EIF1AX: variants seen among roughly 807,000 people sequenced by gnomAD.
The protein encoded by EIF1AX is eukaryotic translation initiation factor 1A X-linked.
Under a neutral mutation model 16.1 loss-of-function variants are expected in EIF1AX, and 1 was observed. The observed-to-expected ratio is 0.06, with a 90% CI of 0.02 to 0.30. EIF1AX has a LOEUF of 0.30. Ranked by LOEUF, EIF1AX falls within the 10% of genes least tolerant of loss-of-function variation. The probability of loss-of-function intolerance (pLI) is 1.00; values close to 1 mark genes in which losing one functional copy is unlikely to be tolerated. For missense variants in EIF1AX, 11 were observed against 109.1 expected, an observed-to-expected ratio of 0.10 and a Z score of 4.00; for synonymous variants, 32 against 37.3, an observed-to-expected ratio of 0.86 and a Z score of 0.51.
At chrX:20,128,736 A>G (rs1217032671) in intron 6 of EIF1AX, among the ~76,000 whole-genome samples, 1 of 111,519 alleles carries the variant, frequency 9.0e-6, no homozygotes, top group African/African-American at 3.3e-5. Flanking sequence ...ACTTTTACAA[A>G]ATGTTCAAGA....
At chrX:20,139,668 G>C (rs1258820443) in intron 1 of EIF1AX, among the ~76,000 whole-genome samples, 1 of 110,665 alleles carries the variant, frequency 9.0e-6, no homozygotes, top group East Asian at 2.8e-4. Context: ...GAAGAGCTTG[G>C]AAGCAGCAAA....
At chrX:20,138,698 A>G in intron 1 of EIF1AX, 76 bp from the exon 2 acceptor site, 1 of 739,203 alleles carries the variant, frequency 1.4e-6, no homozygotes, top group Non-Finnish European at 2.0e-6. Flanking sequence ...AAATGAAATT[A>G]AGGCTTATAA....
rs1474884247 is a variant in EIF1AX, at chrX:20,125,783, G to T, written c.*2523C>A. 1 of 157,353 alleles carries T rather than the reference G, an allele frequency of 6.4e-6. No individual in the cohort carries two copies. The highest frequency in any genetic ancestry group is 1.2e-5 in the Non-Finnish European group (1 of 80,689). 13.0% of individuals were successfully genotyped at this position (157,353 alleles called of 1,213,427 possible). ...TAAGTTAAATTACAAGTCACAAAGA[G>T]TTTGTAAGCAAACATTTATAGCCAT... On this transcript the variant is annotated 3_prime_UTR_variant, in exon 7 of 7. Transcript: ENST00000379607.
intron 4 of EIF1AX, among the ~76,000 whole-genome samples, chrX:20,133,400 G>C (rs5955885): frequency 0.023 from 2,524 of 111,137 alleles, 64 homozygotes; most frequent in African/African-American, 0.078. Flanking sequence ...CCATCCCCCA[G>C]TTGTGACAAC....
rs2066980560 is a variant in EIF1AX, at chrX:20,124,986, C to A, written c.*3320G>T. ...CTGGATATCAAGTGAAAAGAGCAGA[C>A]ACTGATCTAAGTACATTACATGTAT... On this transcript the variant is annotated 3_prime_UTR_variant, in exon 7 of 7. Coordinates refer to ENST00000379607, the MANE Select transcript of EIF1AX (RefSeq NM_001412.4). 1 of 148,754 alleles carries A rather than the reference C, an allele frequency of 6.7e-6. No homozygotes were observed. Among genetic ancestry groups the A allele is most frequent in the Non-Finnish European group, 1.3e-5 (1 of 74,552 alleles). The allele number at this position is 148,754 out of a possible 1,213,427, so 12.3% of individuals were successfully genotyped here.
chrX:20,136,393 G>A (rs1222179101), intron 2 of EIF1AX: 16 of 301,108 alleles, frequency 5.3e-5, no homozygotes, highest in Admixed American at 4.1e-4. Context: ...ATCCACTTCA[G>A]TAAAAGCAGA....
rs750302151 is a variant in EIF1AX, at chrX:20,140,076, C to A, written c.17-1454G>T. The A allele has an allele frequency of 2.7e-5, 3 of 112,362 alleles. No homozygotes were observed. In the East Asian group the frequency reaches 8.4e-4, roughly 31 times the overall value. The allele number at this position is 112,362 out of a possible 1,213,427, so 9.3% of individuals were successfully genotyped here. A position where few individuals can be genotyped will look rare whatever the true frequency, so the allele number is the denominator to read the frequency against. ...TCTGAGTGTACAACAATTAAAGTGA[C>A]ATCAACATTCTTTAAACCAGAGTTG... is the stretch of plus-strand genomic sequence containing the variant. On this transcript the variant is annotated intron_variant, in intron 1 of 6. Transcript: ENST00000379607.
chrX:20,131,689 T>G (rs902212037), intron 5 of EIF1AX, among the ~76,000 whole-genome samples: 11 of 107,357 alleles, frequency 1.0e-4, no homozygotes, highest in Non-Finnish European at 1.7e-4. Flanking sequence ...GTTTTTTTTT[T>G]TTTTTTTTTT....
At chrX:20,129,085 GT>G (rs2066993670) in intron 6 of EIF1AX, among the ~76,000 whole-genome samples, 1 of 111,134 alleles carries the variant, frequency 9.0e-6, no homozygotes, top group Non-Finnish European at 1.9e-5. Context: ...CAGTTTAGTC[GT>G]AAGACTCCTC....
At chrX:20,129,709 G>A (rs1287972022) in intron 6 of EIF1AX, among the ~76,000 whole-genome samples, 4 of 112,062 alleles carry the variant, frequency 3.6e-5, no homozygotes, top group Non-Finnish European at 5.6e-5. Context: ...ACACCCAACA[G>A]CTAAAAATAC....
In EIF1AX at chrX:20,125,638, C is replaced by G. The variant is rs766645577; in HGVS notation, c.*2668G>C. 4 of 164,544 alleles carry G rather than the reference C, an allele frequency of 2.4e-5. No individual in the cohort carries two copies. The highest frequency in any genetic ancestry group is 9.0e-5 in the East Asian group (1 of 11,140). The allele number at this position is 164,544 out of a possible 1,213,427, so 13.6% of individuals were successfully genotyped here. A position where few individuals can be genotyped will look rare whatever the true frequency, so the allele number is the denominator to read the frequency against. ...AAAGTATAAATCTAGCTATTTTACTCAAAACATGCTTTTACCTATTTGATT... is the reference window on the plus strand; with the variant it reads ...AAAGTATAAATCTAGCTATTTTACTGAAAACATGCTTTTACCTATTTGATT... On this transcript the variant is annotated 3_prime_UTR_variant, in exon 7 of 7. Coordinates refer to ENST00000379607, the MANE Select transcript of EIF1AX (RefSeq NM_001412.4).
In EIF1AX at chrX:20,139,517, G is replaced by GT. The variant is rs746642725; in HGVS notation, c.17-896dup. Among the ~76,000 whole-genome samples the GT allele has an allele frequency of 7.2e-5, 8 of 111,041 alleles. No individual in the cohort carries two copies. In the South Asian group the frequency reaches 1.9e-3, roughly 26 times the overall value. Reference sequence around the variant, plus strand: ...AAGCTGGGGTGACCAAAGTCACAATGTTTTTTTTGCCCCTAGCCCCCACAT... The same window carrying GT: ...AAGCTGGGGTGACCAAAGTCACAATGTTTTTTTTTGCCCCTAGCCCCCACAT... On this transcript the variant is annotated intron_variant, in intron 1 of 6. Coordinates refer to ENST00000379607, the MANE Select transcript of EIF1AX (RefSeq NM_001412.4).
chrX:20,128,156 T>C lies in EIF1AX; in HGVS notation c.*150A>G, dbSNP rs375060753. The C allele has an allele frequency of 9.8e-6, 5 of 509,554 alleles. No homozygotes were observed. The African/African-American group carries it at 1.0e-4, about 10-fold the overall frequency. 42.0% of individuals were successfully genotyped at this position (509,554 alleles called of 1,213,427 possible). A position where few individuals can be genotyped will look rare whatever the true frequency, so the allele number is the denominator to read the frequency against. On this transcript the variant is annotated 3_prime_UTR_variant, in exon 7 of 7. Transcript: ENST00000379607. ...GATAATTCAGCATTATTATCAGTTT[T>C]AAAAAAACCAAAAATATCTTAGAAA...
In EIF1AX at chrX:20,138,640, A is replaced by G; in HGVS notation, c.17-18T>C. 1 of 1,067,093 alleles carries G rather than the reference A, an allele frequency of 9.4e-7. No homozygotes were observed. Among genetic ancestry groups the G allele is most frequent in the Non-Finnish European group, 1.3e-6 (1 of 777,621 alleles). 87.9% of individuals were successfully genotyped at this position (1,067,093 alleles called of 1,213,427 possible). ...TCCTTTACCTGATGGTTTAAAAAAA[A>G]GAAAAGGAGGTAAATGACATTAATT... On this transcript the variant is annotated intron_variant, in intron 1 of 6. Transcript: ENST00000379607.
chrX:20,128,176 T>C lies in EIF1AX; in HGVS notation c.*130A>G. 1 of 611,487 alleles carries C rather than the reference T, an allele frequency of 1.6e-6. No homozygotes were observed. Among genetic ancestry groups the C allele is most frequent in the Non-Finnish European group, 2.5e-6 (1 of 405,374 alleles). 50.4% of individuals were successfully genotyped at this position (611,487 alleles called of 1,213,427 possible). ...AGTTTTAAAAAAACCAAAAATATCT[T>C]AGAAACAAATCAGTCTGCTTTAACA... On this transcript the variant is annotated 3_prime_UTR_variant, in exon 7 of 7. Coordinates refer to ENST00000379607, the MANE Select transcript of EIF1AX (RefSeq NM_001412.4).
At chrX:20,134,029 C>T (rs778931762) in intron 3 of EIF1AX, 22 bp from the exon 4 acceptor site, 1 of 1,175,762 alleles carries the variant, frequency 8.5e-7, no homozygotes, top group South Asian at 1.9e-5. Context: ...AAGTCACTGC[C>T]CGTCACATTT....
At position 20,125,011 on chromosome X, in the gene EIF1AX, T is replaced by A. The variant is rs749500872; in HGVS notation, c.*3295A>T. ...CACTGATCTAAGTACATTACATGTA[T>A]AAACATCTAAATTATCAATCCTCCC... On this transcript the variant is annotated 3_prime_UTR_variant, in exon 7 of 7. Transcript: ENST00000379607. 4 of 145,018 alleles carry A rather than the reference T, an allele frequency of 2.8e-5. No individual in the cohort carries two copies. The highest frequency in any genetic ancestry group is 5.5e-5 in the Non-Finnish European group (4 of 73,016). 12.0% of individuals were successfully genotyped at this position (145,018 alleles called of 1,213,427 possible).
At chrX:20,135,708 T>C (rs2067014659) in intron 3 of EIF1AX, 30 bp downstream of exon 3, 1 of 1,092,943 alleles carries the variant, frequency 9.1e-7, no homozygotes, top group Non-Finnish European at 1.3e-6. Flanking sequence ...TTAACCAATT[T>C]TATATTAAAG....
intron 6 of EIF1AX, 109 bp downstream of exon 6, chrX:20,130,407 C>T (rs1167643944): frequency 3.1e-6 from 2 of 644,555 alleles, no homozygotes; most frequent in Non-Finnish European, 1.9e-6. Context: ...TCTCAAAATA[C>T]AACCTTATTT....
Sources: allele counts gnomAD v4.1 joint callset (sites outside exome capture counted in the v4.1 genomes callset), GRCh38; gene constraint gnomAD v4.1.1; transcripts MANE v1.5; gene names NCBI Gene and HGNC (gene_info 2026-07-23, HGNC 2026-07-21).